Variants in UBASH3A observed in about 807,000 individuals in gnomAD.
UBASH3A encodes the protein ubiquitin associated and SH3 domain containing A, also known as ubiquitin-associated and SH3 domain-containing protein A.
A neutral mutation model predicts 73.5 loss-of-function variants in UBASH3A; 63 were observed. The ratio of observed to expected loss-of-function variants is 0.86; its 90% CI spans 0.70 to 1.06. The LOEUF (loss-of-function observed/expected upper bound fraction) is 1.06, where lower values mean the gene tolerates loss of function less well. Ranked by LOEUF, UBASH3A falls within the 50% of genes least tolerant of loss-of-function variation. The pLI is 0.00. For synonymous variants in UBASH3A, 363 were observed against 351.1 expected, an observed-to-expected ratio of 1.03 and a Z score of -0.38; for missense variants, 860 against 859.0, an observed-to-expected ratio of 1.00 and a Z score of -0.02.
chr21:42,412,573 C>T (rs994836660), intron 3 of UBASH3A, among the ~76,000 whole-genome samples: 3 of 152,202 alleles, frequency 2.0e-5, no homozygotes, highest in Admixed American at 2.0e-4. Context: ...GAGAGGGTGG[C>T]CCCGCAGCTG....
chr21:42,436,383 A>G (rs1274729743), intron 10 of UBASH3A, among the ~76,000 whole-genome samples: 2 of 152,152 alleles, frequency 1.3e-5, no homozygotes, highest in Non-Finnish European at 2.9e-5. Context: ...GTGAGCTCCC[A>G]GGACACTGAG....
Position 42,426,727 on chromosome 21 carries a change from G to A in UBASH3A, c.1077G>A (p.Leu359=). The change falls in exon 8 of 15, where the codon CTG becomes CTA. Residue 359 remains leucine, a synonymous_variant. Transcript: ENST00000319294. ...RMYTFSLATD[L]NSRKDGEASS... ...ACACCTTCAGTCTAGCCACAGACCT[G>A]AACTCCAGAAAGGATGGTGAAGCCA... 1 of 1,614,036 alleles carries A rather than the reference G, an allele frequency of 6.2e-7. No individual in the cohort carries two copies. The highest frequency in any genetic ancestry group is 8.5e-7 in the Non-Finnish European group (1 of 1,179,924).
intron 11 of UBASH3A, among the ~76,000 whole-genome samples, chr21:42,441,790 T>C (rs1344490216): frequency 1.3e-5 from 2 of 152,164 alleles, no homozygotes; most frequent in African/African-American, 4.8e-5. Context: ...TAAAACACAT[T>C]TGAGGAACTG....
intron 2 of UBASH3A, among the ~76,000 whole-genome samples, chr21:42,408,610 C>T (rs527367982): frequency 2.0e-5 from 3 of 152,274 alleles, no homozygotes; most frequent in Non-Finnish European, 4.4e-5. Context: ...GAACTTTTAT[C>T]CTTTTTATTG....
chr21:42,406,036 A>C (rs1444061310), intron 1 of UBASH3A, among the ~76,000 whole-genome samples: 1 of 147,700 alleles, frequency 6.8e-6, no homozygotes, highest in Non-Finnish European at 1.5e-5. Flanking sequence ...GGCGGAGGTC[A>C]GGTCCTCAGC....
At chr21:42,426,136 C>G (rs979814718) in intron 7 of UBASH3A, among the ~76,000 whole-genome samples, 1 of 152,150 alleles carries the variant, frequency 6.6e-6, no homozygotes, top group Non-Finnish European at 1.5e-5. Flanking sequence ...GGTCTGGAGG[C>G]AGGATTTCCC....
At chr21:42,434,779 A>C (rs2053596930) in intron 9 of UBASH3A, 53 bp from the exon 10 acceptor site, 1 of 1,564,890 alleles carries the variant, frequency 6.4e-7, no homozygotes, top group Admixed American at 1.9e-5. Context: ...TTTGTGGAAC[A>C]AATCTGTACT....
rs1370199764 is a variant in UBASH3A at position 42,444,400 on chromosome 21, TTCTAGCCCGGGGG to T, written c.1739-130_1739-118del. The T allele has an allele frequency of 8.4e-6, 6 of 712,094 alleles. No homozygotes were observed. In the East Asian group the frequency reaches 1.5e-4, roughly 18 times the overall value. 44.1% of individuals were successfully genotyped at this position (712,094 alleles called of 1,614,324 possible). On this transcript the variant is annotated intron_variant, in intron 13 of 14. Transcript: ENST00000319294. ...ACTGAGCGGTTACCAGCCACACTACTTCTAGCCCGGGGGTCTCGCCAGGCTTCGGGGCACTCTG... is the reference window on the plus strand; with the variant it reads ...ACTGAGCGGTTACCAGCCACACTACTTCTCGCCAGGCTTCGGGGCACTCTG...
chr21:42,435,647 G>A (rs2053612873), intron 10 of UBASH3A: 1 of 152,146 alleles, frequency 6.6e-6, no homozygotes, highest in South Asian at 2.1e-4. Flanking sequence ...GAGTTATAGA[G>A]TCATAGAGTT....
At chr21:42,433,787 C>T (rs2053578994) in intron 9 of UBASH3A, among the ~76,000 whole-genome samples, 1 of 152,124 alleles carries the variant, frequency 6.6e-6, no homozygotes, top group Non-Finnish European at 1.5e-5. Flanking sequence ...AAAATGCAGG[C>T]ATGAAAAATT....
At chr21:42,420,211 C>T (rs551424502) in intron 7 of UBASH3A, among the ~76,000 whole-genome samples, 13 of 152,228 alleles carry the variant, frequency 8.5e-5, no homozygotes, top group African/African-American at 2.4e-4. Flanking sequence ...CTCATGTTCT[C>T]GAGTCCCCGA....
chr21:42,407,886 G>A (rs1487159739), intron 2 of UBASH3A, among the ~76,000 whole-genome samples: 2 of 152,238 alleles, frequency 1.3e-5, no homozygotes, highest in Non-Finnish European at 2.9e-5. Flanking sequence ...GTGCAACATT[G>A]TATATGTATA....
chr21:42,415,149 G>A (rs576127440), intron 5 of UBASH3A, among the ~76,000 whole-genome samples: 2 of 152,328 alleles, frequency 1.3e-5, no homozygotes, highest in East Asian at 1.9e-4. Flanking sequence ...CCAGTGAAAC[G>A]TGCCCATAGG....
intron 8 of UBASH3A, among the ~76,000 whole-genome samples, chr21:42,427,221 A>G (rs2053452935): frequency 6.6e-6 from 1 of 152,176 alleles, no homozygotes; most frequent in African/African-American, 2.4e-5. Context: ...GGTCCAGGGC[A>G]CAGCAGGGCA....
At chr21:42,420,735 T>A (rs2053322003) in intron 7 of UBASH3A, among the ~76,000 whole-genome samples, 1 of 151,716 alleles carries the variant, frequency 6.6e-6, no homozygotes, top group African/African-American at 2.4e-5. Flanking sequence ...ACACAGCTGC[T>A]ATTGAAGTCT....
intron 7 of UBASH3A, among the ~76,000 whole-genome samples, chr21:42,424,543 C>T (rs1485164395): frequency 6.6e-6 from 1 of 152,180 alleles, no homozygotes; most frequent in East Asian, 1.9e-4. Context: ...GAGGGGAGCA[C>T]CCCTGTGGGA....
chr21:42,411,090 C>T (rs769269008), intron 3 of UBASH3A, among the ~76,000 whole-genome samples: 1 of 149,650 alleles, frequency 6.7e-6, no homozygotes, highest in Non-Finnish European at 1.5e-5. Flanking sequence ...CACACAGAGA[C>T]ACAGATACAC....
Position 42,418,429 on chromosome 21 carries a change from C to T in UBASH3A, c.866C>T (p.Pro289Leu), listed in dbSNP as rs764539311. 2 of 1,614,188 alleles carry T rather than the reference C, an allele frequency of 1.2e-6. No homozygotes were observed. Among genetic ancestry groups the T allele is most frequent in the South Asian group, 2.2e-5 (2 of 91,086 alleles). ...CTGAGAGCCCTATTCCAGTACAAACCCCAGAACGTGGATGAGCTGACGCTA... is the reference window on the plus strand; with the variant it reads ...CTGAGAGCCCTATTCCAGTACAAACTCCAGAACGTGGATGAGCTGACGCTA... ...QTLRALFQYKPQNVDELTLSP... is the reference protein window; with the variant it reads ...QTLRALFQYKLQNVDELTLSP... The change falls in exon 7 of 15, where the codon CCC becomes CTC. Residue 289 changes from proline to leucine, a missense_variant. Transcript: ENST00000319294.
chr21:42,446,047 C>T (rs2053838426), intron 14 of UBASH3A, among the ~76,000 whole-genome samples: 1 of 152,292 alleles, frequency 6.6e-6, no homozygotes, highest in South Asian at 2.1e-4. Context: ...CAGCCCCAGG[C>T]GCTCCTGGGG....
Sources: allele counts gnomAD v4.1 joint callset (sites outside exome capture counted in the v4.1 genomes callset), GRCh38; gene constraint gnomAD v4.1.1; transcripts MANE v1.5; gene names NCBI Gene and HGNC (gene_info 2026-07-23, HGNC 2026-07-21).